The following VAV3 variants were observed in gnomAD, a reference collection of about 807,000 sequenced individuals.
VAV3 encodes guanine nucleotide exchange factor VAV3.
In VAV3, 94 loss-of-function variants were observed where a neutral mutation model predicts 131.2. The ratio of observed to expected loss-of-function variants is 0.72; its 90% CI spans 0.61 to 0.85. The LOEUF is 0.85. Among genes scored for constraint, VAV3 ranks in the 40% least tolerant of loss-of-function variants. VAV3 has a pLI of 0.00. For missense variants in VAV3, 939 were observed against 1,002.7 expected (o/e 0.94, Z 0.86); for synonymous variants, 349 against 342.0 (o/e 1.02, Z -0.22).
chr1:107,734,705 T>G (rs1050873276), intron 15 of VAV3, among the ~76,000 whole-genome samples: 4 of 152,154 alleles, frequency 2.6e-5, no homozygotes, highest in Non-Finnish European at 5.9e-5. Context: ...CCCAGATTCA[T>G]AAAGCAAGTC....
At chr1:107,618,314 T>C (rs1456792722) in intron 20 of VAV3, among the ~76,000 whole-genome samples, 3 of 152,164 alleles carry the variant, frequency 2.0e-5, no homozygotes, top group Non-Finnish European at 2.9e-5. Context: ...AGGCATATAA[T>C]TATGAATTCC....
chr1:107,611,263 A>G (rs1379085705), intron 21 of VAV3, among the ~76,000 whole-genome samples: 3 of 152,216 alleles, frequency 2.0e-5, no homozygotes, highest in African/African-American at 7.2e-5. Context: ...AACTGTATCA[A>G]AAATCATCTT....
At chr1:107,923,204 T>G (rs1672998575) in intron 1 of VAV3, among the ~76,000 whole-genome samples, 1 of 152,142 alleles carries the variant, frequency 6.6e-6, no homozygotes, top group South Asian at 2.1e-4. Context: ...ACTCATATGG[T>G]ATATTTCTGT....
intron 6 of VAV3, among the ~76,000 whole-genome samples, chr1:107,769,180 C>A (rs1446598041): frequency 6.6e-6 from 1 of 152,218 alleles, no homozygotes; most frequent in Non-Finnish European, 1.5e-5. Context: ...ATCATATCCT[C>A]ATTTCCCTCC....
intron 2 of VAV3, among the ~76,000 whole-genome samples, chr1:107,814,374 T>C (rs1365142764): frequency 6.6e-6 from 1 of 152,168 alleles, no homozygotes; most frequent in Non-Finnish European, 1.5e-5. Context: ...ATCATTGTGG[T>C]TTTGATTTGC....
At chr1:107,590,680 T>A (rs1650877399) in intron 25 of VAV3, among the ~76,000 whole-genome samples, 1 of 152,206 alleles carries the variant, frequency 6.6e-6, no homozygotes, top group Non-Finnish European at 1.5e-5. Context: ...TTAATGGTTT[T>A]ATCACTTGCC....
chr1:107,918,705 A>ATATT (rs1274987055), intron 1 of VAV3, among the ~76,000 whole-genome samples: 838 of 76,948 alleles, frequency 0.011, 9 homozygotes, highest in African/African-American at 0.033. Flanking sequence ...ATATATATAT[A>ATATT]TTTTTTTTTT....
At chr1:107,942,840 G>A (rs990074146) in intron 1 of VAV3, among the ~76,000 whole-genome samples, 1 of 152,072 alleles carries the variant, frequency 6.6e-6, no homozygotes, top group Non-Finnish European at 1.5e-5. Flanking sequence ...TTTCTTAAGG[G>A]CCACCCCCAT....
intron 11 of VAV3, among the ~76,000 whole-genome samples, chr1:107,756,555 A>C (rs781773087): frequency 1.3e-5 from 2 of 152,162 alleles, no homozygotes; most frequent in African/African-American, 4.8e-5. Flanking sequence ...TGCTCTGAGC[A>C]GGGTCACCTT....
intron 1 of VAV3, among the ~76,000 whole-genome samples, chr1:107,882,093 T>C (rs1370332757): frequency 6.6e-6 from 1 of 152,100 alleles, no homozygotes; most frequent in Non-Finnish European, 1.5e-5. Context: ...GGACTAGTGG[T>C]GTTAACTGAG....
intron 25 of VAV3, among the ~76,000 whole-genome samples, chr1:107,581,643 G>T (rs1570553927): frequency 6.6e-6 from 1 of 152,270 alleles, no homozygotes; most frequent in East Asian, 1.9e-4. Flanking sequence ...ACAGAAGAAT[G>T]CCAATTAAAA....
chr1:107,612,477 T>C (rs1390585378), intron 21 of VAV3, among the ~76,000 whole-genome samples: 2 of 152,118 alleles, frequency 1.3e-5, no homozygotes, highest in Non-Finnish European at 1.5e-5. Flanking sequence ...TTTCTGTTCA[T>C]TCATTATGAA....
intron 7 of VAV3, among the ~76,000 whole-genome samples, chr1:107,767,313 C>T (rs1664787527): frequency 6.6e-6 from 1 of 152,158 alleles, no homozygotes; most frequent in African/African-American, 2.4e-5. Context: ...TATGAGGCAA[C>T]TTGAACTAGG....
intron 2 of VAV3, among the ~76,000 whole-genome samples, chr1:107,835,257 G>A (rs1319069480): frequency 6.6e-6 from 1 of 152,168 alleles, no homozygotes; most frequent in Admixed American, 6.5e-5. Flanking sequence ...GCCTTGCCAT[G>A]GCCCCACATG....
chr1:107,673,177 G>T (rs1252755968), intron 19 of VAV3, among the ~76,000 whole-genome samples: 1 of 152,144 alleles, frequency 6.6e-6, no homozygotes, highest in Non-Finnish European at 1.5e-5. Context: ...TTTCTGAAGA[G>T]TATTTAATGA....
intron 2 of VAV3, among the ~76,000 whole-genome samples, chr1:107,849,384 T>C (rs188382378): frequency 1.5e-4 from 23 of 152,186 alleles, no homozygotes; most frequent in Admixed American, 2.6e-4. Context: ...AACAGATATA[T>C]TGACCAATGG....
chr1:107,619,481 C>G (rs1365809262), intron 20 of VAV3, among the ~76,000 whole-genome samples: 1 of 152,084 alleles, frequency 6.6e-6, no homozygotes, highest in Non-Finnish European at 1.5e-5. Context: ...GACTATACCA[C>G]TAGCCAGACC....
At chr1:107,839,277 TA>T (rs1668595356) in intron 2 of VAV3, among the ~76,000 whole-genome samples, 1 of 152,108 alleles carries the variant, frequency 6.6e-6, no homozygotes, top group South Asian at 2.1e-4. Context: ...TATTTTATTA[TA>T]AAAATAATTA....
intron 26 of VAV3, among the ~76,000 whole-genome samples, chr1:107,573,830 G>A (rs1256095286): frequency 6.6e-6 from 1 of 152,154 alleles, no homozygotes. Context: ...CACTTGCCCA[G>A]GTGAATTTTA....
Sources: allele counts gnomAD v4.1 joint callset (sites outside exome capture counted in the v4.1 genomes callset), GRCh38; gene constraint gnomAD v4.1.1; transcripts MANE v1.5; gene names NCBI Gene and HGNC (gene_info 2026-07-23, HGNC 2026-07-21).